EYS: variants seen among roughly 807,000 people sequenced by gnomAD.
The protein encoded by EYS is protein eyes shut homolog.
EYS carries 250 observed loss-of-function variants against 282.1 expected under a neutral mutation model. The observed-to-expected ratio is 0.89, with a 90% confidence interval of 0.80 to 0.98. The LOEUF (loss-of-function observed/expected upper bound fraction) is 0.98, where lower values mean the gene tolerates loss of function less well. EYS is among the 50% of genes least tolerant of loss of function. EYS has a pLI of 0.00. For synonymous variants in EYS, 1,355 were observed against 1,282.9 expected, an observed-to-expected ratio of 1.06 and a Z score of -1.20; for missense variants, 4,016 against 3,709.0, an observed-to-expected ratio of 1.08 and a Z score of -2.15.
intron 2 of EYS, among the ~76,000 whole-genome samples, chr6:65,584,377 T>A (rs912694074): frequency 6.6e-6 from 1 of 151,982 alleles, no homozygotes; most frequent in Non-Finnish European, 1.5e-5. Flanking sequence ...AATTATCCAA[T>A]CCAAAAGAGT....
chr6:64,766,649 A>AAAAAAAAAAAAAAAAAAAATTT (rs1387919586), intron 22 of EYS, among the ~76,000 whole-genome samples: 1 of 19,050 alleles, frequency 5.2e-5, no homozygotes, highest in African/African-American at 1.8e-4. Flanking sequence ...AAAAAAAAAA[A>AAAAAAAAAAAAAAAAAAAATTT]ATATATATAT....
At chr6:65,019,069 T>G (rs1389560865) in intron 13 of EYS, among the ~76,000 whole-genome samples, 2 of 152,142 alleles carry the variant, frequency 1.3e-5, no homozygotes, top group African/African-American at 4.8e-5. Context: ...GGGTGCCATA[T>G]TTTGTATCAA....
At chr6:65,439,225 G>A (rs1768204339) in intron 5 of EYS, among the ~76,000 whole-genome samples, 1 of 152,080 alleles carries the variant, frequency 6.6e-6, no homozygotes, top group South Asian at 2.1e-4. Context: ...CTCTGTTTTG[G>A]TAACAGTACC....
chr6:64,358,553 C>A (rs1453560573), intron 29 of EYS, among the ~76,000 whole-genome samples: 1 of 151,550 alleles, frequency 6.6e-6, no homozygotes, highest in Non-Finnish European at 1.5e-5. Context: ...AAACCTTTCC[C>A]ATCATTTCTA....
chr6:65,688,540 G>A (rs556128168), intron 1 of EYS, among the ~76,000 whole-genome samples: 8 of 151,852 alleles, frequency 5.3e-5, no homozygotes, highest in South Asian at 2.1e-4. Flanking sequence ...CACCAAAAGC[G>A]ATGGCAACAA....
At chr6:64,349,526 A>G (rs1255287948) in intron 29 of EYS, among the ~76,000 whole-genome samples, 1 of 151,306 alleles carries the variant, frequency 6.6e-6, no homozygotes, top group Non-Finnish European at 1.5e-5. Flanking sequence ...AGTCTGTGAT[A>G]TTGTTCAATA....
At chr6:65,531,664 A>G (rs1767773546) in intron 2 of EYS, among the ~76,000 whole-genome samples, 1 of 152,154 alleles carries the variant, frequency 6.6e-6, no homozygotes, top group South Asian at 2.1e-4. Context: ...TCTTCATTTT[A>G]TGCACGCTGC....
chr6:63,865,463 CT>C lies in EYS; in HGVS notation c.7056-1106del, dbSNP rs5876871. Among the ~76,000 whole-genome samples, 213 of 147,116 alleles carry C rather than the reference CT, an allele frequency of 1.4e-3. 2 individuals are homozygous for C. Among genetic ancestry groups the C allele is most frequent in the Admixed American group, 2.2e-3 (33 of 14,856 alleles). On this transcript the variant is annotated intron_variant, in intron 35 of 42. Transcript: ENST00000503581. ...GTTAAAGAATTCCATTTAATCTTTT[CT>C]TTTTTTTTTTGCTCTCTTATTACAT... is the stretch of plus-strand genomic sequence containing the variant.
chr6:65,469,657 T>A lies in EYS; in HGVS notation c.862+20937A>T, dbSNP rs183572847. On this transcript the variant is annotated intron_variant, in intron 5 of 42. Coordinates refer to ENST00000503581, the MANE Select transcript of EYS (RefSeq NM_001142800.2). ...CTTTTATTTTCTTGAAAATTTGTAT[T>A]TTTCAAGAAAGAGGGACATTTTGCC... Among the ~76,000 whole-genome samples, 67 of 152,232 alleles carry A rather than the reference T, an allele frequency of 4.4e-4. 1 individual carries two copies. The East Asian group carries it at 0.012, about 27-fold the overall frequency.
chr6:65,053,758 T>C (rs894673397), intron 13 of EYS, among the ~76,000 whole-genome samples: 2 of 151,914 alleles, frequency 1.3e-5, no homozygotes, highest in African/African-American at 4.8e-5. Context: ...GTCGTGTTTT[T>C]GAGAGGCACA....
At chr6:64,450,784 A>C (rs549992097) in intron 26 of EYS, among the ~76,000 whole-genome samples, 2 of 152,234 alleles carry the variant, frequency 1.3e-5, no homozygotes, top group Non-Finnish European at 2.9e-5. Context: ...ATGAAGGCAG[A>C]AATAAAGATG....
chr6:64,860,598 C>T (rs1422539613), intron 19 of EYS, among the ~76,000 whole-genome samples: 3 of 152,246 alleles, frequency 2.0e-5, no homozygotes, highest in African/African-American at 7.2e-5. Flanking sequence ...GAGGGTGTTG[C>T]AGCCCTAGCT....
intron 22 of EYS, among the ~76,000 whole-genome samples, chr6:64,645,715 T>C (rs1279530882): frequency 6.6e-6 from 1 of 152,096 alleles, no homozygotes; most frequent in Non-Finnish European, 1.5e-5. Context: ...AATGAAAAAA[T>C]AAACTTATTA....
chr6:64,201,879 A>T (rs1266227069), intron 31 of EYS, among the ~76,000 whole-genome samples: 1 of 152,144 alleles, frequency 6.6e-6, no homozygotes, highest in African/African-American at 2.4e-5. Flanking sequence ...TTCCCCAGGG[A>T]GCATTTGACA....
chr6:63,835,148 A>G (rs1377695136), intron 36 of EYS, among the ~76,000 whole-genome samples: 1 of 151,784 alleles, frequency 6.6e-6, no homozygotes. Context: ...ATATGTATAC[A>G]TATGTAACAA....
chr6:64,386,972 T>C (rs1000805219), intron 29 of EYS, among the ~76,000 whole-genome samples: 7 of 152,118 alleles, frequency 4.6e-5, no homozygotes, highest in African/African-American at 1.7e-4. Context: ...AAGTATGTAA[T>C]GTATAGTATA....
At chr6:65,623,663 C>A (rs966359018) in intron 2 of EYS, among the ~76,000 whole-genome samples, 5 of 152,092 alleles carry the variant, frequency 3.3e-5, no homozygotes, top group Non-Finnish European at 5.9e-5. Flanking sequence ...CAGTTCAGTT[C>A]AGAGTCTTGA....
At chr6:64,855,330 A>G (rs1360103512) in intron 19 of EYS, among the ~76,000 whole-genome samples, 2 of 151,954 alleles carry the variant, frequency 1.3e-5, no homozygotes, top group African/African-American at 2.4e-5. Flanking sequence ...CTCCATTCAT[A>G]TTTATGATTG....
At chr6:64,554,626 A>G (rs1273337922) in intron 26 of EYS, among the ~76,000 whole-genome samples, 1 of 152,034 alleles carries the variant, frequency 6.6e-6, no homozygotes, top group East Asian at 1.9e-4. Flanking sequence ...TTTGCAAATC[A>G]TATTTTCAAT....
Sources: gnomAD v4.1 joint callset for allele counts (sites outside exome capture counted in the v4.1 genomes callset) on GRCh38, gnomAD v4.1.1 for gene constraint, MANE v1.5 for transcripts, NCBI Gene and HGNC (gene_info 2026-07-23, HGNC 2026-07-21) for gene names.